MAP3K12: variants seen among roughly 807,000 people sequenced by gnomAD.
MAP3K12 encodes the protein mitogen-activated protein kinase kinase kinase 12.
Under a neutral mutation model 87.5 loss-of-function variants are expected in MAP3K12, and 14 were observed. The ratio of observed to expected loss-of-function variants is 0.16; its 90% CI spans 0.11 to 0.25. MAP3K12 has a LOEUF of 0.25. MAP3K12 is among the 10% of genes least tolerant of loss of function. The probability of loss-of-function intolerance (pLI) is 1.00; values close to 1 mark genes in which losing one functional copy is unlikely to be tolerated. For synonymous variants in MAP3K12, 469 were observed against 452.5 expected, an observed-to-expected ratio of 1.04 and a Z score of -0.46; for missense variants, 802 against 1,140.4, an observed-to-expected ratio of 0.70 and a Z score of 4.27.
intron 1 of MAP3K12, among the ~76,000 whole-genome samples, chr12:53,496,320 C>T (rs1034541378): frequency 7.2e-5 from 11 of 152,202 alleles, no homozygotes; most frequent in African/African-American, 2.4e-4. Context: ...GCCATTCTGT[C>T]TCCTCTGGAC....
chr12:53,501,439 A>G (rs1943696941), upstream of MAP3K12: 3 of 1,569,090 alleles, frequency 1.9e-6, no homozygotes, highest in Non-Finnish European at 2.6e-6. Context: ...CTCCGGCACT[A>G]CCACGGGCTG....
At chr12:53,483,233 T>C (rs1943128118) in intron 10 of MAP3K12, 44 bp from the exon 11 acceptor site, 1 of 1,538,480 alleles carries the variant, frequency 6.5e-7, no homozygotes, top group South Asian at 1.3e-5. Flanking sequence ...GCCAAATCTA[T>C]GTACTCAAAG....
intron 1 of MAP3K12, among the ~76,000 whole-genome samples, chr12:53,497,391 A>G (rs999952065): frequency 1.3e-5 from 2 of 151,982 alleles, no homozygotes; most frequent in African/African-American, 2.4e-5. Context: ...AACAAGAGGG[A>G]AAAAAAAGAC....
In MAP3K12 at chr12:53,482,315, G is replaced by T; in HGVS notation, c.2293C>A (p.Leu765Met). Residue 765 changes from leucine (L) to methionine (M), a missense_variant, in exon 12 of 14, where the codon CTG (leucine) becomes ATG (methionine). Physicochemically the swap from Leu to Met is conservative, Grantham distance 15 (BLOSUM62 2). Coordinates refer to ENST00000547488, the MANE Select transcript of MAP3K12 (RefSeq NM_001193511.2). ...EEGEVDSEVE[L>M]TSSQRWPQSL... ...ATCACTTACCTCTGGCTTGATGTCA[G>T]CTCTACTTCACTGTCTACCTCTCCT... 2 of 1,614,092 alleles carry T rather than the reference G, an allele frequency of 1.2e-6. No homozygotes were observed. Among genetic ancestry groups the T allele is most frequent in the African/African-American group, 2.7e-5 (2 of 75,000 alleles).
chr12:53,493,214 TG>T (rs1188088826), intron 1 of MAP3K12: 3 of 152,050 alleles, frequency 2.0e-5, no homozygotes, highest in Non-Finnish European at 1.5e-5. Context: ...GAGCGCGACG[TG>T]GGGGCGGGGC....
intron 10 of MAP3K12, 78 bp from the exon 11 acceptor site, chr12:53,483,267 A>G: frequency 1.3e-6 from 2 of 1,572,902 alleles, no homozygotes. Context: ...TGGACACTAA[A>G]GTACACATCT....
At chr12:53,481,349 T>C (rs1480007730) in intron 13 of MAP3K12, 69 bp from the exon 14 acceptor site, 1 of 825,362 alleles carries the variant, frequency 1.2e-6, no homozygotes, top group African/African-American at 1.8e-5. Context: ...TAATAGCCAG[T>C]GGCTTACTGA....
At chr12:53,485,521 C>T (rs749876787) in intron 4 of MAP3K12, 46 bp from the exon 5 acceptor site, 1 of 1,573,578 alleles carries the variant, frequency 6.4e-7, no homozygotes, top group Non-Finnish European at 8.6e-7. Flanking sequence ...CTCCACACAC[C>T]TCATCTAACT....
chr12:53,501,100 G>A (rs1043293962), upstream of MAP3K12: 10 of 443,836 alleles, frequency 2.3e-5, no homozygotes, highest in East Asian at 3.9e-4. Context: ...GAAGGAAGGA[G>A]GCGGGACGGT....
chr12:53,483,336 A>G lies in MAP3K12; in HGVS notation c.1613+13T>C, dbSNP rs748754799. ...CCTCTTGCCATATTGGAACCACAGT[A>G]CTCATGTCCCACCTTTTGCTATGGG... On this transcript the variant is annotated intron_variant, in intron 10 of 13. Coordinates refer to ENST00000547488, the MANE Select transcript of MAP3K12 (RefSeq NM_001193511.2). 1.2e-6 allele frequency: 2 copies of G among 1,613,044 alleles called. No individual in the cohort carries two copies. Among genetic ancestry groups the G allele is most frequent in the Admixed American group, 1.7e-5 (1 of 59,954 alleles).
chr12:53,482,747 T>G lies in MAP3K12; in HGVS notation c.2056A>C (p.Thr686Pro), dbSNP rs146612080. ...GCTCCCCCAGGTGAATCTGGGCTGG[T>G]GGAGCCAGGGGCTGAGCCCTCACTT... is the stretch of plus-strand genomic sequence containing the variant. ...PPSEGSAPGSTSPDSPGGAKG... is the reference protein window; with the variant it reads ...PPSEGSAPGSPSPDSPGGAKG... The change falls in exon 11 of 14, where the codon ACC (threonine) becomes CCC (proline). Residue 686 changes from threonine (T) to proline (P), a missense_variant. Around this residue, in one of 5 missense-constraint regions of MAP3K12, gnomAD observed 490 missense variants for 496.6 expected, o/e 0.99. Coordinates refer to ENST00000547488, the MANE Select transcript of MAP3K12 (RefSeq NM_001193511.2). The G allele has an allele frequency of 1.7e-4, 280 of 1,613,944 alleles. No homozygotes were observed. In the African/African-American group the frequency reaches 3.5e-3, roughly 20 times the overall value.
chr12:53,482,799 T>C lies in MAP3K12; in HGVS notation c.2004A>G (p.Pro668=). The C allele has an allele frequency of 1.2e-6, 2 of 1,611,420 alleles. No individual in the cohort carries two copies. The highest frequency in any genetic ancestry group is 1.1e-5 in the South Asian group (1 of 90,960). ...GTGGGGTGTCACCCCGGGCCGGAGGTGGTGAGCCAGGATCCCCAGCTCCGC... is the reference window on the plus strand; with the variant it reads ...GTGGGGTGTCACCCCGGGCCGGAGGCGGTGAGCCAGGATCCCCAGCTCCGC... ...ATGGAGDPGS[P]PPARGDTPPS... Residue 668 remains proline (P), a synonymous_variant, in exon 11 of 14, where the codon CCA becomes CCG. Transcript: ENST00000547488.
chr12:53,491,301 A>AAG (rs1555212341), intron 1 of MAP3K12, among the ~76,000 whole-genome samples: 1 of 101,568 alleles, frequency 9.8e-6, no homozygotes, highest in African/African-American at 3.8e-5. Context: ...AAAAAAAAAA[A>AAG]AAAAGAAAAG....
rs189795921 is a variant in MAP3K12 at position 53,480,591 on chromosome 12, A to G, written c.*591T>C. On this transcript the variant is annotated 3_prime_UTR_variant, in exon 14 of 14. Coordinates refer to ENST00000547488, the MANE Select transcript of MAP3K12 (RefSeq NM_001193511.2). ...CACCAGGATAAAAGCAGGGACTTAA[A>G]CAGCACCCCGGTTCTTCAGCCTGAG... 7.4e-4 allele frequency: 113 copies of G among 152,792 alleles called. 1 individual carries two copies. The highest frequency in any genetic ancestry group is 2.5e-3 in the African/African-American group (105 of 41,542). The allele number at this position is 152,792 out of a possible 1,614,324, so 9.5% of individuals were successfully genotyped here.
Position 53,484,840 on chromosome 12 carries a change from T to C in MAP3K12, c.1139+216A>G, listed in dbSNP as rs1943183755. 5.0e-6 allele frequency: 3 copies of C among 601,466 alleles called. No individual in the cohort carries two copies. The East Asian group carries it at 8.7e-5, about 17-fold the overall frequency. 37.3% of individuals were successfully genotyped at this position (601,466 alleles called of 1,614,324 possible). A position where few individuals can be genotyped will look rare whatever the true frequency, so the allele number is the denominator to read the frequency against. On this transcript the variant is annotated intron_variant, in intron 6 of 13. Coordinates refer to ENST00000547488, the MANE Select transcript of MAP3K12 (RefSeq NM_001193511.2). ...CTTCATGACAAATCAGGAATGCAGA[T>C]ATCGTTAAGTGTATTTTATAGATGA...
Position 53,486,342 on chromosome 12 carries a change from TCTC to T in MAP3K12, c.629+94_629+96del, listed in dbSNP as rs1943228128. The T allele has an allele frequency of 1.9e-6, 3 of 1,559,542 alleles. No individual in the cohort carries two copies. Among genetic ancestry groups the T allele is most frequent in the South Asian group, 1.2e-5 (1 of 82,318 alleles). On this transcript the variant is annotated intron_variant, in intron 3 of 13. Coordinates refer to ENST00000547488, the MANE Select transcript of MAP3K12 (RefSeq NM_001193511.2). The surrounding 1 kb of genome is among the most constrained non-coding windows in gnomAD (Gnocchi z 4.9). The stretch of plus-strand genomic sequence containing the variant: ...CATTCCCACCCATTCCACCTATGGA[TCTC>T]CTCTGGGGAAGGATGGGGTAGGTCC...
intron 7 of MAP3K12, 32 bp downstream of exon 7, chr12:53,484,225 G>A (rs1407857598): frequency 6.4e-7 from 1 of 1,568,448 alleles, no homozygotes. Context: ...AAGAAGGGGA[G>A]TTAGGTATTT....
Position 53,480,925 on chromosome 12 carries a change from T to C in MAP3K12, c.*257A>G. ...TTCTATTGCCTTGTTGCTTGCTGAA[T>C]ATAAGGAATGGGGTGGGGCAGGAAG... On this transcript the variant is annotated 3_prime_UTR_variant, in exon 14 of 14. Transcript: ENST00000547488. 1 of 156,788 alleles carries C rather than the reference T, an allele frequency of 6.4e-6. No homozygotes were observed. Among genetic ancestry groups the C allele is most frequent in the Non-Finnish European group, 1.4e-5 (1 of 72,026 alleles). The allele number at this position is 156,788 out of a possible 1,614,324, so 9.7% of individuals were successfully genotyped here.
chr12:53,486,794 AAGAAGCTGGGAAGTT>A lies in MAP3K12; in HGVS notation c.445+138_445+152del. 2.0e-6 allele frequency: 3 copies of A among 1,481,438 alleles called. No individual in the cohort carries two copies. Among genetic ancestry groups the A allele is most frequent in the Non-Finnish European group, 2.7e-6 (3 of 1,120,958 alleles). 91.8% of individuals were successfully genotyped at this position (1,481,438 alleles called of 1,614,324 possible). On this transcript the variant is annotated intron_variant, in intron 2 of 13. Transcript: ENST00000547488. The surrounding 1 kb of genome is among the most constrained non-coding windows in gnomAD (Gnocchi z 4.9). ...GGAAGGAATGAATGGGTGGCCTTAA[AAGAAGCTGGGAAGTT>A]AGAGGCTGATGGATGGCTAAGGGAC...
Sources: gnomAD v4.1 joint callset for allele counts (sites outside exome capture counted in the v4.1 genomes callset) on GRCh38, gnomAD v4.1.1 for gene constraint, gnomAD v4.1.1 regional missense constraint, Gnocchi (gnomAD v3.1) non-coding constraint, MANE v1.5 for transcripts, NCBI Gene and HGNC (gene_info 2026-07-23, HGNC 2026-07-21) for gene names.